TMEM232: variants seen among roughly 807,000 people sequenced by gnomAD.
TMEM232 encodes transmembrane protein 232.
In TMEM232, 80 loss-of-function variants were observed where a neutral mutation model predicts 78.8. The ratio of observed to expected loss-of-function variants is 1.01; its 90% CI spans 0.85 to 1.22. The LOEUF (loss-of-function observed/expected upper bound fraction) is 1.22. Among genes scored for constraint, TMEM232 ranks in the 50% most tolerant of loss-of-function variants. The pLI, the probability that TMEM232 is intolerant of heterozygous loss-of-function variation, is 0.00. For synonymous variants in TMEM232, 297 were observed against 254.3 expected, an observed-to-expected ratio of 1.17 and a Z score of -1.60; for missense variants, 881 against 742.2, an observed-to-expected ratio of 1.19 and a Z score of -2.17.
At chr5:110,536,999 TCTG>T (rs1406369788) in intron 11 of TMEM232, among the ~76,000 whole-genome samples, 2 of 152,116 alleles carry the variant, frequency 1.3e-5, no homozygotes, top group African/African-American at 4.8e-5. Flanking sequence ...GTCAGAGATG[TCTG>T]ACAGACTAAG....
intron 12 of TMEM232, among the ~76,000 whole-genome samples, chr5:110,446,760 T>C (rs899784729): frequency 6.6e-6 from 1 of 152,184 alleles, no homozygotes; most frequent in Non-Finnish European, 1.5e-5. Context: ...TTATTGCTAA[T>C]AATAGATAGG....
intron 11 of TMEM232, among the ~76,000 whole-genome samples, chr5:110,538,932 C>A (rs1320563215): frequency 6.6e-6 from 1 of 152,164 alleles, no homozygotes; most frequent in Non-Finnish European, 1.5e-5. Context: ...AGATTCTTTA[C>A]TCCTCCTTTG....
At chr5:110,553,902 T>C (rs1774758457) in intron 11 of TMEM232, among the ~76,000 whole-genome samples, 1 of 152,196 alleles carries the variant, frequency 6.6e-6, no homozygotes. Flanking sequence ...TCCTTGTTTG[T>C]TGAGGGTTCC....
At chr5:110,416,534 A>G (rs116234209), downstream of TMEM232, among the ~76,000 whole-genome samples, 1,426 of 152,334 alleles carry the variant, frequency 9.4e-3, 21 homozygotes, top group African/African-American at 0.032. Flanking sequence ...GCAGTTGGAT[A>G]ACGTTTGAAA....
intron 12 of TMEM232, among the ~76,000 whole-genome samples, chr5:110,506,916 T>C (rs1343390200): frequency 6.6e-6 from 1 of 152,180 alleles, no homozygotes; most frequent in South Asian, 2.1e-4. Flanking sequence ...TTTTTTTCTG[T>C]CTTCCAGCCA....
intron 11 of TMEM232, among the ~76,000 whole-genome samples, chr5:110,544,697 A>T (rs1561663601): frequency 6.6e-6 from 1 of 151,772 alleles, no homozygotes; most frequent in Non-Finnish European, 1.5e-5. Flanking sequence ...TTTTGAAAAT[A>T]TTTTTTTTCT....
chr5:110,558,408 G>C (rs138204767), intron 11 of TMEM232, among the ~76,000 whole-genome samples: 6 of 152,246 alleles, frequency 3.9e-5, no homozygotes, highest in Non-Finnish European at 8.8e-5. Context: ...AGCAGTAGGG[G>C]AAGGCTATAA....
intron 12 of TMEM232, among the ~76,000 whole-genome samples, chr5:110,435,518 TCTC>T (rs1427957113): frequency 2.0e-5 from 3 of 151,724 alleles, no homozygotes; most frequent in Non-Finnish European, 4.4e-5. Context: ...TGAGTATATA[TCTC>T]CTATTGTGCT....
intron 1 of TMEM232, among the ~76,000 whole-genome samples, chr5:110,682,077 T>C (rs1322555825): frequency 5.9e-5 from 9 of 152,178 alleles, no homozygotes; most frequent in Admixed American, 5.9e-4. Context: ...CAATTAAATG[T>C]AAAGAAACTA....
chr5:110,609,186 G>A (rs778843202), intron 8 of TMEM232, among the ~76,000 whole-genome samples: 1 of 151,798 alleles, frequency 6.6e-6, no homozygotes, highest in Non-Finnish European at 1.5e-5. Flanking sequence ...TTTCAACATT[G>A]CGACAAATAT....
intron 2 of TMEM232, among the ~76,000 whole-genome samples, chr5:110,642,833 G>T (rs1050006610): frequency 6.6e-5 from 10 of 152,100 alleles, no homozygotes; most frequent in African/African-American, 2.4e-4. Flanking sequence ...ATGAAGTAAG[G>T]TCAAAGAGGT....
chr5:110,468,134 A>AAAAT (rs1762285915), intron 12 of TMEM232, among the ~76,000 whole-genome samples: 1 of 151,976 alleles, frequency 6.6e-6, no homozygotes, highest in Admixed American at 6.6e-5. Flanking sequence ...ACTTTACTTT[A>AAAAT]AAATAAAAAA....
Position 110,446,495 on chromosome 5 carries a change from C to A in TMEM232, c.1704-21579G>T, listed in dbSNP as rs899643098. ...CCAGAGAAGCAATTGCTTGCCATAG[C>A]AACTATACAGATTTGGGGTTGGGGA... On this transcript the variant is annotated intron_variant, in intron 12 of 13. Coordinates refer to ENST00000455884, the MANE Select transcript of TMEM232 (RefSeq NM_001039763.4). Among the ~76,000 whole-genome samples, 9 of 152,078 alleles carry A rather than the reference C, an allele frequency of 5.9e-5. 1 individual carries two copies. Among genetic ancestry groups the A allele is most frequent in the Admixed American group, 4.6e-4 (7 of 15,266 alleles).
chr5:110,533,352 A>G (rs954217176), intron 11 of TMEM232, among the ~76,000 whole-genome samples: 2 of 152,100 alleles, frequency 1.3e-5, no homozygotes, highest in African/African-American at 2.4e-5. Flanking sequence ...CCCTTACAAA[A>G]CAACAACTCC....
At chr5:110,442,180 T>C (rs921818901) in intron 12 of TMEM232, among the ~76,000 whole-genome samples, 3 of 152,198 alleles carry the variant, frequency 2.0e-5, no homozygotes, top group Non-Finnish European at 4.4e-5. Flanking sequence ...GGAAGTTCTA[T>C]GATATATCTC....
At chr5:110,678,316 C>T (rs2150171121) in intron 1 of TMEM232, among the ~76,000 whole-genome samples, 1 of 152,244 alleles carries the variant, frequency 6.6e-6, no homozygotes, top group African/African-American at 2.4e-5. Context: ...TCCCCTGCCT[C>T]AGCCTCCCAA....
intron 12 of TMEM232, among the ~76,000 whole-genome samples, chr5:110,527,402 T>G (rs1256647706): frequency 6.6e-6 from 1 of 151,956 alleles, no homozygotes; most frequent in Non-Finnish European, 1.5e-5. Context: ...CGCTTGATAA[T>G]ACCTTAGTCA....
Position 110,434,594 on chromosome 5 carries a change from C to G in TMEM232, c.1704-9678G>C, listed in dbSNP as rs115435148. 5.0e-3 allele frequency among the ~76,000 whole-genome samples: 765 copies of G among 152,082 alleles called. 7 individuals carry two copies. Among genetic ancestry groups the G allele is most frequent in the African/African-American group, 0.017 (725 of 41,490 alleles). On this transcript the variant is annotated intron_variant, in intron 12 of 13. Transcript: ENST00000455884. Reference sequence around the variant, plus strand: ...AAAAAATCGAGGAGGAAGGACACCTCCCTAACTCATTCTATAATACTACTA... The same window carrying G: ...AAAAAATCGAGGAGGAAGGACACCTGCCTAACTCATTCTATAATACTACTA...
intron 11 of TMEM232, among the ~76,000 whole-genome samples, chr5:110,532,756 T>A (rs188242429): frequency 1.8e-4 from 27 of 152,100 alleles, no homozygotes; most frequent in African/African-American, 5.8e-4. Context: ...CTCTACCCCG[T>A]CCTTGGCGAC....
Sources: gnomAD v4.1 joint callset for allele counts (sites outside exome capture counted in the v4.1 genomes callset) on GRCh38, gnomAD v4.1.1 for gene constraint, MANE v1.5 for transcripts, NCBI Gene and HGNC (gene_info 2026-07-23, HGNC 2026-07-21) for gene names.